The following NRG1 variants were observed in gnomAD, a reference collection of about 807,000 sequenced individuals.
NRG1 encodes the protein neuregulin 1.
In NRG1, 18 loss-of-function variants were observed where a neutral mutation model predicts 63.8. The ratio of observed to expected loss-of-function variants is 0.28; its 90% CI spans 0.19 to 0.42. NRG1 has a LOEUF of 0.42. Among genes scored for constraint, NRG1 ranks in the 10% least tolerant of loss-of-function variants. The pLI, the probability that NRG1 is intolerant of heterozygous loss-of-function variation, is 1.00. For synonymous variants in NRG1, 302 were observed against 301.3 expected, an observed-to-expected ratio of 1.00 and a Z score of -0.02; for missense variants, 762 against 814.7, an observed-to-expected ratio of 0.94 and a Z score of 0.79.
chr8:31,891,758 G>A (rs929633157), intron 1 of NRG1, among the ~76,000 whole-genome samples: 1 of 152,120 alleles, frequency 6.6e-6, no homozygotes, highest in Non-Finnish European at 1.5e-5. Flanking sequence ...CCACTAATGG[G>A]TGCATGGTTA....
At chr8:32,548,933 C>T in intron 1 of NRG1, 107 bp downstream of exon 1, 2 of 1,350,772 alleles carry the variant, frequency 1.5e-6, no homozygotes, top group Admixed American at 2.8e-5. Flanking sequence ...CTCGCCCGTC[C>T]TCTTCGCCCT....
chr8:31,834,673 T>A (rs1399642895), intron 1 of NRG1, among the ~76,000 whole-genome samples: 1 of 152,178 alleles, frequency 6.6e-6, no homozygotes, highest in Non-Finnish European at 1.5e-5. Context: ...ATCACATCAC[T>A]ACACTCCAGT....
intron 1 of NRG1, among the ~76,000 whole-genome samples, chr8:32,530,265 G>A (rs1032349637): frequency 5.9e-5 from 9 of 152,004 alleles, no homozygotes; most frequent in African/African-American, 9.7e-5. Flanking sequence ...CCGCCACCAC[G>A]CCCGGCTAAT....
chr8:32,347,119 G>A (rs751185139), intron 1 of NRG1, among the ~76,000 whole-genome samples: 6 of 152,016 alleles, frequency 3.9e-5, no homozygotes, highest in Non-Finnish European at 5.9e-5. Context: ...ATGAGCCACC[G>A]TGCCCGGCCA....
intron 1 of NRG1, among the ~76,000 whole-genome samples, chr8:32,549,507 A>G (rs772398688): frequency 6.0e-4 from 92 of 152,232 alleles, no homozygotes; most frequent in Non-Finnish European, 1.5e-4. Flanking sequence ...AACAAGTTCT[A>G]CAAACTTTTG....
chr8:32,223,025 G>A (rs12549243), intron 1 of NRG1, among the ~76,000 whole-genome samples: 12,338 of 152,150 alleles, frequency 0.081, 632 homozygotes, highest in East Asian at 0.24. Context: ...GTGCAACTAT[G>A]TTGTTCTGTT....
chr8:32,326,621 G>A (rs1055313405), intron 1 of NRG1, among the ~76,000 whole-genome samples: 6 of 152,086 alleles, frequency 3.9e-5, no homozygotes, highest in South Asian at 2.1e-4. Flanking sequence ...GAGCCACCAC[G>A]CGCAGCCAGC....
At chr8:32,282,692 T>C (rs1171984230) in intron 1 of NRG1, among the ~76,000 whole-genome samples, 1 of 152,204 alleles carries the variant, frequency 6.6e-6, no homozygotes, top group Non-Finnish European at 1.5e-5. Context: ...TTAAGAATCT[T>C]CAACAGGTTG....
intron 6 of NRG1, among the ~76,000 whole-genome samples, chr8:32,733,224 T>G (rs933025740): frequency 2.0e-5 from 3 of 152,220 alleles, no homozygotes; most frequent in Non-Finnish European, 4.4e-5. Flanking sequence ...TTCTGATCAT[T>G]AGTTTCCTTA....
chr8:32,745,476 A>G (rs1317022035), intron 7 of NRG1, among the ~76,000 whole-genome samples: 1 of 152,204 alleles, frequency 6.6e-6, no homozygotes, highest in African/African-American at 2.4e-5. Context: ...TTACTGATTT[A>G]TAAAAACTGA....
chr8:32,535,639 G>A (rs1831888355), intron 1 of NRG1, among the ~76,000 whole-genome samples: 1 of 152,302 alleles, frequency 6.6e-6, no homozygotes, highest in African/African-American at 2.4e-5. Flanking sequence ...GAGACAGGAT[G>A]ATCTACAAAT....
Position 32,303,204 on chromosome 8 carries a change from A to C in NRG1, c.38-292624A>C, listed in dbSNP as rs1364312049. Reference sequence around the variant, plus strand: ...GTCTCCAAAAAAAAAAAAAAAAAAAAAAAGAGAAAAGAAAGAAAAGAAAAG... The same window carrying C: ...GTCTCCAAAAAAAAAAAAAAAAAAACAAAGAGAAAAGAAAGAAAAGAAAAG... On this transcript the variant is annotated intron_variant, in intron 1 of 10. Transcript: ENST00000519301. Among the ~76,000 whole-genome samples, 5 of 149,510 alleles carry C rather than the reference A, an allele frequency of 3.3e-5. No individual in the cohort carries two copies. The East Asian group carries it at 9.7e-4, about 29-fold the overall frequency.
At chr8:32,405,727 T>A (rs941540143) in intron 1 of NRG1, among the ~76,000 whole-genome samples, 1 of 152,212 alleles carries the variant, frequency 6.6e-6, no homozygotes, top group African/African-American at 2.4e-5. Context: ...TTTACAATCA[T>A]GAGTATTTTA....
At chr8:32,727,059 TC>T (rs1822389788) in intron 5 of NRG1, among the ~76,000 whole-genome samples, 1 of 152,156 alleles carries the variant, frequency 6.6e-6, no homozygotes, top group African/African-American at 2.4e-5. Flanking sequence ...CCCATGGTGT[TC>T]CCAATGATAT....
intron 3 of NRG1, among the ~76,000 whole-genome samples, chr8:32,612,168 G>A (rs1335091773): frequency 1.3e-5 from 2 of 152,010 alleles, no homozygotes; most frequent in African/African-American, 4.8e-5. Context: ...ATTACTATGG[G>A]AAAATATGTT....
intron 1 of NRG1, among the ~76,000 whole-genome samples, chr8:31,697,428 A>AAGTG (rs1810185809): frequency 6.6e-6 from 1 of 152,216 alleles, no homozygotes; most frequent in Non-Finnish European, 1.5e-5. Context: ...TAATAGATAG[A>AAGTG]AGTGAACATT....
chr8:32,023,895 T>A (rs2130280375), intron 1 of NRG1, among the ~76,000 whole-genome samples: 1 of 152,246 alleles, frequency 6.6e-6, no homozygotes, highest in Middle Eastern at 3.4e-3. Context: ...CCAGCACTGA[T>A]TTGACATTCA....
chr8:31,825,994 C>G (rs1824511752), intron 1 of NRG1, among the ~76,000 whole-genome samples: 2 of 152,190 alleles, frequency 1.3e-5, no homozygotes, highest in Admixed American at 1.3e-4. Flanking sequence ...CTAAACCCTA[C>G]TTTTGGAAAT....
chr8:31,949,518 C>T lies in NRG1; in HGVS notation c.37+310087C>T, dbSNP rs374957459. On this transcript the variant is annotated intron_variant, in intron 1 of 10. Coordinates refer to the NRG1 transcript ENST00000519301. Reference sequence around the variant, plus strand: ...CACTGGATTGCTCACCACCTTTTCCCACAATTAACCACTTCCTTCTGGAAA... The same window carrying T: ...CACTGGATTGCTCACCACCTTTTCCTACAATTAACCACTTCCTTCTGGAAA... Among the ~76,000 whole-genome samples the T allele has an allele frequency of 7.2e-5, 11 of 152,328 alleles. 1 individual carries two copies. The highest frequency in any genetic ancestry group is 2.4e-4 in the African/African-American group (10 of 41,570).
Sources: gnomAD v4.1 joint callset for allele counts (sites outside exome capture counted in the v4.1 genomes callset) on GRCh38, gnomAD v4.1.1 for gene constraint, MANE v1.5 for transcripts, NCBI Gene and HGNC (gene_info 2026-07-23, HGNC 2026-07-21) for gene names.